Variants in CCDC178 observed in about 807,000 individuals in gnomAD.
The protein encoded by CCDC178 is coiled-coil domain containing 178, also known as coiled-coil domain-containing protein 178.
In CCDC178, 126 loss-of-function variants were observed where a neutral mutation model predicts 117.4. The observed-to-expected ratio is 1.07, with a 90% CI of 0.93 to 1.24. The LOEUF (loss-of-function observed/expected upper bound fraction) is 1.24. Among genes scored for constraint, CCDC178 ranks in the 50% most tolerant of loss-of-function variants. The probability of loss-of-function intolerance (pLI) is 0.00; values close to 1 mark genes in which losing one functional copy is unlikely to be tolerated. For missense variants in CCDC178, 1,030 were observed against 986.9 expected (o/e 1.04, Z -0.59); for synonymous variants, 283 against 313.4 (o/e 0.90, Z 1.02).
chr18:33,437,512 C>T (rs1372187728), intron 2 of CCDC178: 1 of 152,096 alleles, frequency 6.6e-6, no homozygotes, highest in Non-Finnish European at 1.5e-5. Context: ...GGTTGAATCC[C>T]TTCGGTTCAT....
intron 20 of CCDC178, among the ~76,000 whole-genome samples, chr18:33,122,803 AT>A (rs1381117854): frequency 6.6e-6 from 1 of 152,148 alleles, no homozygotes; most frequent in Non-Finnish European, 1.5e-5. Context: ...CTAATTAGCT[AT>A]TTTAATATTG....
At chr18:33,258,407 C>T (rs1044437830) in intron 14 of CCDC178, among the ~76,000 whole-genome samples, 2 of 152,126 alleles carry the variant, frequency 1.3e-5, no homozygotes, top group African/African-American at 2.4e-5. Context: ...GCTTGACTGA[C>T]ATGTCTTCAT....
chr18:32,962,147 A>T (rs982751926), intron 22 of CCDC178, among the ~76,000 whole-genome samples: 1 of 151,922 alleles, frequency 6.6e-6, no homozygotes, highest in Admixed American at 6.6e-5. Flanking sequence ...TAATCATTTT[A>T]TATTTAAGAC....
In CCDC178 at chr18:33,417,666, T is replaced by C. The variant is rs539246140; in HGVS notation, c.-22-5556A>G. ...TTATTATTGTTGTACTATAGTTATA[T>C]ATGATGTTAGTATAACATTGGGAAC... is the stretch of plus-strand genomic sequence containing the variant. On this transcript the variant is annotated intron_variant, in intron 2 of 22. Transcript: ENST00000383096. Among the ~76,000 whole-genome samples the C allele has an allele frequency of 5.3e-5, 8 of 152,252 alleles. No homozygotes were observed. In the South Asian group the frequency reaches 1.2e-3, roughly 24 times the overall value.
At chr18:33,119,487 A>G (rs1471573844) in intron 20 of CCDC178, among the ~76,000 whole-genome samples, 1 of 152,202 alleles carries the variant, frequency 6.6e-6, no homozygotes, top group Non-Finnish European at 1.5e-5. Context: ...ACAGTGAGAT[A>G]CCATCTCACG....
chr18:33,360,299 C>T (rs2063108277), intron 6 of CCDC178, among the ~76,000 whole-genome samples: 1 of 150,592 alleles, frequency 6.6e-6, no homozygotes, highest in African/African-American at 2.4e-5. Context: ...ATATATACTA[C>T]ATGCATGTTC....
At chr18:33,019,561 G>A (rs2056068148) in intron 21 of CCDC178, among the ~76,000 whole-genome samples, 1 of 152,118 alleles carries the variant, frequency 6.6e-6, no homozygotes, top group Non-Finnish European at 1.5e-5. Context: ...TTCTCCCATT[G>A]CTAATTATCT....
intron 2 of CCDC178, among the ~76,000 whole-genome samples, chr18:33,430,474 A>G (rs150691435): frequency 1.8e-4 from 27 of 152,320 alleles, no homozygotes; most frequent in African/African-American, 5.5e-4. Flanking sequence ...TGTAATTGGA[A>G]TTCTGGCCAA....
intron 21 of CCDC178, among the ~76,000 whole-genome samples, chr18:32,975,164 C>A (rs768494267): frequency 1.3e-5 from 2 of 152,136 alleles, no homozygotes; most frequent in Non-Finnish European, 2.9e-5. Flanking sequence ...CATTGCTTGG[C>A]AATGTGTGCT....
intron 20 of CCDC178, among the ~76,000 whole-genome samples, chr18:33,211,330 G>T (rs1204041290): frequency 2.0e-5 from 3 of 151,762 alleles, no homozygotes; most frequent in East Asian, 3.9e-4. Context: ...AAATGGGATA[G>T]GAATCATTTA....
chr18:33,119,083 C>A (rs948505386), intron 20 of CCDC178, among the ~76,000 whole-genome samples: 1 of 152,114 alleles, frequency 6.6e-6, no homozygotes, highest in Non-Finnish European at 1.5e-5. Context: ...ACCATAAAAA[C>A]CCTAGAAGAA....
intron 20 of CCDC178, among the ~76,000 whole-genome samples, chr18:33,139,810 A>G (rs2058177070): frequency 6.6e-6 from 1 of 152,222 alleles, no homozygotes; most frequent in South Asian, 2.1e-4. Flanking sequence ...AATTTGCGTA[A>G]GTAACGAGAA....
chr18:33,005,446 T>C (rs1290987305), intron 21 of CCDC178, among the ~76,000 whole-genome samples: 1 of 151,972 alleles, frequency 6.6e-6, no homozygotes, highest in African/African-American at 2.4e-5. Flanking sequence ...ATCAGAATGA[T>C]GGTTACCAAA....
intron 10 of CCDC178, among the ~76,000 whole-genome samples, chr18:33,330,517 T>C (rs1239411204): frequency 6.6e-6 from 1 of 152,126 alleles, no homozygotes; most frequent in Admixed American, 6.5e-5. Flanking sequence ...GAATTTAAGA[T>C]GTGATGGAGT....
intron 20 of CCDC178, among the ~76,000 whole-genome samples, chr18:33,163,749 G>A (rs1050537267): frequency 1.9e-4 from 29 of 152,080 alleles, no homozygotes; most frequent in African/African-American, 7.0e-4. Context: ...TCAATTAAAA[G>A]ATACTAAACA....
rs988524307 is a variant in CCDC178 at position 33,233,603 on chromosome 18, A to G, written c.1594-6748T>C. On this transcript the variant is annotated intron_variant, in intron 15 of 22. Coordinates refer to ENST00000383096, the MANE Select transcript of CCDC178 (RefSeq NM_001105528.4). ...AGATTGTTTTTTTTTTATCCTGAAC[A>G]ACAAAGGTAGCCTCACGCTATAGGA... Among the ~76,000 whole-genome samples, 3 of 151,986 alleles carry G rather than the reference A, an allele frequency of 2.0e-5. 1 individual carries two copies. The highest frequency in any genetic ancestry group is 6.6e-5 in the Admixed American group (1 of 15,250).
chr18:33,391,821 T>C (rs1043120318), intron 4 of CCDC178, among the ~76,000 whole-genome samples: 6 of 151,932 alleles, frequency 3.9e-5, no homozygotes, highest in Non-Finnish European at 7.4e-5. Context: ...GTGAAATATA[T>C]ATATATGTAC....
chr18:33,151,066 T>C (rs758997125), intron 20 of CCDC178, among the ~76,000 whole-genome samples: 2 of 152,124 alleles, frequency 1.3e-5, no homozygotes, highest in Non-Finnish European at 2.9e-5. Flanking sequence ...GGCATAAGAA[T>C]GATATAATGA....
chr18:33,218,169 A>T (rs2059189769), intron 18 of CCDC178, among the ~76,000 whole-genome samples: 1 of 151,398 alleles, frequency 6.6e-6, no homozygotes, highest in Non-Finnish European at 1.5e-5. Context: ...CCACCAACAA[A>T]TCCTATTGGA....
Sources: allele counts gnomAD v4.1 joint callset (sites outside exome capture counted in the v4.1 genomes callset), GRCh38; gene constraint gnomAD v4.1.1; transcripts MANE v1.5; gene names NCBI Gene and HGNC (gene_info 2026-07-23, HGNC 2026-07-21).